Variants in TF observed in about 807,000 individuals in gnomAD.
TF encodes serotransferrin.
Under a neutral mutation model 82.4 loss-of-function variants are expected in TF, and 55 were observed. The ratio of observed to expected loss-of-function variants is 0.67; its 90% CI spans 0.54 to 0.84. The LOEUF (loss-of-function observed/expected upper bound fraction) is 0.84, where lower values mean the gene tolerates loss of function less well. Among genes scored for constraint, TF ranks in the 40% least tolerant of loss-of-function variants. TF has a pLI of 0.00. For synonymous variants in TF, 332 were observed against 332.6 expected (o/e 1.00, Z 0.02); for missense variants, 737 against 868.4 (o/e 0.85, Z 1.90).
rs901599175 is a variant in TF at position 133,792,880 on chromosome 3, A to G, written c.*14260A>G. 1.3e-5 allele frequency: 2 copies of G among 152,188 alleles called. No individual in the cohort carries two copies. The highest frequency in any genetic ancestry group is 4.8e-5 in the African/African-American group (2 of 41,452). The allele number at this position is 152,188 out of a possible 1,614,324, so 9.4% of individuals were successfully genotyped here. On this transcript the variant is annotated 3_prime_UTR_variant, in exon 17 of 17. Coordinates refer to ENST00000402696, the MANE Select transcript of TF (RefSeq NM_001063.4). ...GGGGTATTTTCTGGTTTTTCCATAAATTGAACATCAAAATAAAAGCACAAA... is the reference window on the plus strand; with the variant it reads ...GGGGTATTTTCTGGTTTTTCCATAAGTTGAACATCAAAATAAAAGCACAAA...
chr3:133,707,009 T>A, the TF span, among the ~76,000 whole-genome samples: 489 of 152,334 alleles, frequency 3.2e-3, 2 homozygotes, highest in Admixed American at 7.2e-3. Context: ...TCTATTCTGA[T>A]CATTTATAGT....
chr3:133,685,308 C>T, the TF span, among the ~76,000 whole-genome samples: 1 of 152,044 alleles, frequency 6.6e-6, no homozygotes. Flanking sequence ...CAGGGATGCC[C>T]TCTCACCACT....
chr3:133,681,987 C>T, the TF span, among the ~76,000 whole-genome samples: 1 of 152,250 alleles, frequency 6.6e-6, no homozygotes, highest in South Asian at 2.1e-4. Flanking sequence ...GGCCAGGTGC[C>T]CATCTGAGAC....
chr3:133,693,997 G>T, the TF span, among the ~76,000 whole-genome samples: 2 of 152,114 alleles, frequency 1.3e-5, no homozygotes, highest in South Asian at 4.1e-4. Flanking sequence ...GCCTAAACCC[G>T]CAGGGACCCT....
rs763054175 is a variant in TF at position 133,780,809 on chromosome 3, T to A, written c.*2189T>A. 2 of 151,910 alleles carry A rather than the reference T, an allele frequency of 1.3e-5. No homozygotes were observed. Among genetic ancestry groups the A allele is most frequent in the African/African-American group, 2.4e-5 (1 of 41,334 alleles). 9.4% of individuals were successfully genotyped at this position (151,910 alleles called of 1,614,324 possible). On this transcript the variant is annotated 3_prime_UTR_variant, in exon 17 of 17. Coordinates refer to ENST00000402696, the MANE Select transcript of TF (RefSeq NM_001063.4). Reference sequence around the variant, plus strand: ...GGGTGGATCACCTGAGGTCAGGAGTTCAAGACCAGCCTGGCCAACATGGCG... The same window carrying A: ...GGGTGGATCACCTGAGGTCAGGAGTACAAGACCAGCCTGGCCAACATGGCG...
rs143854010 is a variant in TF, at chr3:133,793,448, G to A, written c.*14828G>A. 117 of 152,090 alleles carry A rather than the reference G, an allele frequency of 7.7e-4. No individual in the cohort carries two copies. The highest frequency in any genetic ancestry group is 2.5e-3 in the African/African-American group (103 of 41,488). The allele number at this position is 152,090 out of a possible 1,614,324, so 9.4% of individuals were successfully genotyped here. A position where few individuals can be genotyped will look rare whatever the true frequency, so the allele number is the denominator to read the frequency against. On this transcript the variant is annotated 3_prime_UTR_variant, in exon 17 of 17. Transcript: ENST00000402696. ...GGCCCCTGAAGCATCCAAAAGAGAG[G>A]TAAACAGAATTATTTGACATGTTTA...
the TF span, among the ~76,000 whole-genome samples, chr3:133,665,643 G>C: frequency 6.6e-6 from 1 of 151,724 alleles, no homozygotes; most frequent in Non-Finnish European, 1.5e-5. Flanking sequence ...AACTTTATCT[G>C]TTTATAGAAT....
chr3:133,734,997 C>T, the TF span, among the ~76,000 whole-genome samples: 18 of 152,174 alleles, frequency 1.2e-4, no homozygotes, highest in African/African-American at 3.4e-4. Context: ...CTTTGGGATC[C>T]AGTTTGAACA....
chr3:133,685,590 C>G, the TF span, among the ~76,000 whole-genome samples: 1 of 152,162 alleles, frequency 6.6e-6, no homozygotes, highest in African/African-American at 2.4e-5. Flanking sequence ...CATGAGTGAA[C>G]TCCCATTCAC....
At chr3:133,678,027 C>G in the TF span, among the ~76,000 whole-genome samples, 1 of 152,178 alleles carries the variant, frequency 6.6e-6, no homozygotes, top group African/African-American at 2.4e-5. Flanking sequence ...CACCTCCCAA[C>G]AGGCTCCGGT....
chr3:133,705,601 C>A, the TF span, among the ~76,000 whole-genome samples: 1 of 152,186 alleles, frequency 6.6e-6, no homozygotes, highest in Non-Finnish European at 1.5e-5. Context: ...GCTTGCAGAA[C>A]CTTAACCCAC....
chr3:133,719,916 G>A, the TF span, among the ~76,000 whole-genome samples: 55 of 151,992 alleles, frequency 3.6e-4, no homozygotes, highest in Admixed American at 2.3e-3. Context: ...TATTATTAGC[G>A]TATGAAAATG....
the TF span, among the ~76,000 whole-genome samples, chr3:133,714,675 G>GT: frequency 6.7e-6 from 1 of 150,318 alleles, no homozygotes; most frequent in Non-Finnish European, 1.5e-5. Context: ...TCCTTGAGTT[G>GT]TTTTTTTGTT....
chr3:133,696,814 GA>G, the TF span, among the ~76,000 whole-genome samples: 2 of 147,070 alleles, frequency 1.4e-5, no homozygotes, highest in South Asian at 4.3e-4. Flanking sequence ...TTACATTTAT[GA>G]AAAAAACCCA....
rs8177200 is a variant in TF at position 133,750,786 on chromosome 3, A to G, written c.216+2202A>G. Among the ~76,000 whole-genome samples the G allele has an allele frequency of 9.8e-3, 1,491 of 151,850 alleles. 28 individuals are homozygous for G. The highest frequency in any genetic ancestry group is 0.034 in the African/African-American group (1,399 of 41,448). ...TTGCTTCATTTTTTAAAAAATATAT[A>G]TATATTTTATTATACTTTAAGTTCT... On this transcript the variant is annotated intron_variant, in intron 2 of 16. Transcript: ENST00000402696.
the TF span, among the ~76,000 whole-genome samples, chr3:133,715,216 A>G: frequency 1.7e-3 from 255 of 152,094 alleles, 1 homozygote; most frequent in African/African-American, 5.8e-3. Context: ...ACAATTCCAT[A>G]CTTTCTCCTC....
chr3:133,753,176 C>T (rs542643769), intron 2 of TF, among the ~76,000 whole-genome samples: 5 of 152,290 alleles, frequency 3.3e-5, no homozygotes, highest in Admixed American at 2.6e-4. Flanking sequence ...AGAGCGTGGC[C>T]AGCCCAAGAG....
At chr3:133,664,432 C>T in the TF span, among the ~76,000 whole-genome samples, 1 of 152,132 alleles carries the variant, frequency 6.6e-6, no homozygotes, top group Admixed American at 6.5e-5. Context: ...AAGCGATTCT[C>T]CTGCCTCAGC....
intron 9 of TF, among the ~76,000 whole-genome samples, chr3:133,763,842 C>G (rs1934058062): frequency 6.6e-6 from 1 of 152,216 alleles, no homozygotes; most frequent in Non-Finnish European, 1.5e-5. Flanking sequence ...CTCCACTCAT[C>G]CATCTGCACG....
Sources: gnomAD v4.1 joint callset for allele counts (sites outside exome capture counted in the v4.1 genomes callset) on GRCh38, gnomAD v4.1.1 for gene constraint, MANE v1.5 for transcripts, NCBI Gene and HGNC (gene_info 2026-07-23, HGNC 2026-07-21) for gene names.